Variants in NOX4 observed in about 807,000 individuals in gnomAD.
NOX4 encodes NADPH oxidase 4.
Under a neutral mutation model 87.6 loss-of-function variants are expected in NOX4, and 69 were observed. That is an observed-to-expected ratio of 0.79 (90% CI 0.65 to 0.96). The LOEUF (loss-of-function observed/expected upper bound fraction) is 0.96, where lower values mean the gene tolerates loss of function less well. Among genes scored for constraint, NOX4 ranks in the 40% least tolerant of loss-of-function variants. The pLI is 0.00. For missense variants in NOX4, 680 were observed against 681.5 expected, an observed-to-expected ratio of 1.00 and a Z score of 0.02; for synonymous variants, 275 against 238.2, an observed-to-expected ratio of 1.15 and a Z score of -1.42.
chr11:89,587,125 G>A, the NOX4 span, among the ~76,000 whole-genome samples: 1 of 152,092 alleles, frequency 6.6e-6, no homozygotes, highest in Admixed American at 6.6e-5. Flanking sequence ...AAGACTGAAT[G>A]GAGGGCTGGC....
chr11:89,489,092 A>C, intron 2 of NOX4: 1 of 678,670 alleles, frequency 1.5e-6, no homozygotes. Flanking sequence ...AAACTTTATA[A>C]AGTGTGTGAT....
At chr11:89,358,335 G>A (rs1184130951) in intron 12 of NOX4, among the ~76,000 whole-genome samples, 13 of 137,850 alleles carry the variant, frequency 9.4e-5, no homozygotes, top group Non-Finnish European at 2.0e-4. Flanking sequence ...GCAGTGAGCT[G>A]AGATCATGCC....
At chr11:89,558,062 A>G in the NOX4 span, among the ~76,000 whole-genome samples, 22 of 152,246 alleles carry the variant, frequency 1.4e-4, no homozygotes, top group African/African-American at 5.1e-4. Flanking sequence ...GAATGATTGT[A>G]CAGATCTCTT....
At chr11:89,546,170 A>G in the NOX4 span, among the ~76,000 whole-genome samples, 1 of 152,138 alleles carries the variant, frequency 6.6e-6, no homozygotes, top group Non-Finnish European at 1.5e-5. Flanking sequence ...CAGGCTCTCA[A>G]AATTACTCTT....
chr11:89,392,006 C>G (rs948583685), intron 11 of NOX4, among the ~76,000 whole-genome samples: 1 of 150,938 alleles, frequency 6.6e-6, no homozygotes, highest in African/African-American at 2.4e-5. Flanking sequence ...CCTGTGCCCC[C>G]TCTCCCGACC....
chr11:89,500,922 T>C (rs979562313), upstream of NOX4, among the ~76,000 whole-genome samples: 1 of 151,984 alleles, frequency 6.6e-6, no homozygotes, highest in African/African-American at 2.4e-5. Flanking sequence ...GGCATTGTCA[T>C]AATAAAAAAC....
intron 16 of NOX4, among the ~76,000 whole-genome samples, chr11:89,336,557 A>C (rs1945723658): frequency 6.6e-6 from 1 of 151,972 alleles, no homozygotes; most frequent in African/African-American, 2.4e-5. Flanking sequence ...CCTGTTTGCA[A>C]TTAACAGAGC....
chr11:89,377,195 C>A (rs549053261), intron 11 of NOX4, among the ~76,000 whole-genome samples: 10 of 152,240 alleles, frequency 6.6e-5, no homozygotes, highest in African/African-American at 2.2e-4. Flanking sequence ...AAAACAAGAA[C>A]TCTTACAATC....
chr11:89,399,235 T>G (rs1358266510), intron 11 of NOX4, among the ~76,000 whole-genome samples: 1 of 151,088 alleles, frequency 6.6e-6, no homozygotes, highest in Non-Finnish European at 1.5e-5. Context: ...TTTTCTAATT[T>G]TATTTCCATT....
chr11:89,351,443 C>T (rs1224712411), intron 13 of NOX4, among the ~76,000 whole-genome samples: 1 of 152,156 alleles, frequency 6.6e-6, no homozygotes, highest in Non-Finnish European at 1.5e-5. Flanking sequence ...AAGGTGACTA[C>T]ACTAAACAAC....
the NOX4 span, among the ~76,000 whole-genome samples, chr11:89,508,439 C>A: frequency 2.0e-5 from 3 of 152,022 alleles, no homozygotes; most frequent in Non-Finnish European, 4.4e-5. Flanking sequence ...TTTTCTTGAG[C>A]CTTTCTAAGA....
chr11:89,393,659 G>C (rs1391852714), intron 11 of NOX4, among the ~76,000 whole-genome samples: 3 of 152,062 alleles, frequency 2.0e-5, no homozygotes, highest in African/African-American at 7.2e-5. Context: ...ACCAAGTATT[G>C]ACCACTAATG....
rs1944418391 is a variant in NOX4, at chr11:89,440,695, G to A, written c.468C>T (p.Phe156=). 1 of 1,542,836 alleles carries A rather than the reference G, an allele frequency of 6.5e-7. No homozygotes were observed. The highest frequency in any genetic ancestry group is 8.8e-7 in the Non-Finnish European group (1 of 1,131,798). The change falls in exon 6 of 18, where the codon TTC becomes TTT. Residue 156 remains phenylalanine (F), a synonymous_variant. Transcript: ENST00000263317. ...CTAAGAATAACAACTTACCAGTTGT[G>A]AAGAGAAGTTTTCTAGGATCCTGAG... ...YRDEDPRKLL[F]TTVPGLTGVC...
the NOX4 span, among the ~76,000 whole-genome samples, chr11:89,562,061 G>A: frequency 6.6e-6 from 1 of 152,238 alleles, no homozygotes; most frequent in Admixed American, 6.5e-5. Flanking sequence ...GTGTTACTGA[G>A]ATCAGAGTTA....
At chr11:89,426,547 C>T (rs1363383979) in intron 7 of NOX4, among the ~76,000 whole-genome samples, 1 of 152,100 alleles carries the variant, frequency 6.6e-6, no homozygotes, top group Non-Finnish European at 1.5e-5. Flanking sequence ...TTCCAATGGT[C>T]TTAGCAAACG....
At chr11:89,518,816 C>T in the NOX4 span, among the ~76,000 whole-genome samples, 3 of 152,016 alleles carry the variant, frequency 2.0e-5, no homozygotes, top group African/African-American at 7.2e-5. Context: ...GCTCTAAGGA[C>T]GACACCTAAA....
intron 12 of NOX4, among the ~76,000 whole-genome samples, chr11:89,366,519 T>C (rs891647269): frequency 1.3e-5 from 2 of 151,588 alleles, no homozygotes; most frequent in African/African-American, 4.8e-5. Flanking sequence ...CTACAAAAAA[T>C]ATAAAAATTA....
chr11:89,377,702 G>A (rs1203411643), intron 11 of NOX4, among the ~76,000 whole-genome samples: 3 of 151,902 alleles, frequency 2.0e-5, no homozygotes, highest in Non-Finnish European at 2.9e-5. Flanking sequence ...GTAAAGAAGC[G>A]CCTTTTAATA....
intron 8 of NOX4, 104 bp from the exon 9 acceptor site, chr11:89,402,646 CT>C: frequency 2.4e-6 from 2 of 848,950 alleles, no homozygotes; most frequent in Non-Finnish European, 1.9e-6. Flanking sequence ...TGTTTGCTAA[CT>C]TTACACAGCA....
Sources: gnomAD v4.1 joint callset for allele counts (sites outside exome capture counted in the v4.1 genomes callset) on GRCh38, gnomAD v4.1.1 for gene constraint, MANE v1.5 for transcripts, NCBI Gene and HGNC (gene_info 2026-07-23, HGNC 2026-07-21) for gene names.